RICTOR: variants seen among roughly 807,000 people sequenced by gnomAD.
The protein encoded by RICTOR is rapamycin-insensitive companion of mTOR.
Under a neutral mutation model 214.9 loss-of-function variants are expected in RICTOR, and 49 were observed. That is an observed-to-expected ratio of 0.23 (90% CI 0.18 to 0.29). The LOEUF (loss-of-function observed/expected upper bound fraction) is 0.29, where lower values mean the gene tolerates loss of function less well. RICTOR is among the 10% of genes least tolerant of loss of function. RICTOR has a pLI of 1.00. For missense variants in RICTOR, 1,625 were observed against 2,047.0 expected, an observed-to-expected ratio of 0.79 and a Z score of 3.98; for synonymous variants, 717 against 711.3, an observed-to-expected ratio of 1.01 and a Z score of -0.13.
intron 2 of RICTOR, among the ~76,000 whole-genome samples, chr5:39,040,484 A>C (rs1757088688): frequency 1.3e-5 from 2 of 152,316 alleles, no homozygotes; most frequent in Admixed American, 1.3e-4. Context: ...AAATTAAAAA[A>C]GTTGTATAAT....
At chr5:38,975,724 T>C (rs1239014485) in intron 9 of RICTOR, 120 bp from the exon 10 acceptor site, 3 of 509,302 alleles carry the variant, frequency 5.9e-6, no homozygotes, top group Admixed American at 3.6e-5. Flanking sequence ...ACACATAAAA[T>C]TAAAACAAGA....
intron 2 of RICTOR, among the ~76,000 whole-genome samples, chr5:39,051,559 C>T (rs1403600837): frequency 6.6e-6 from 1 of 151,976 alleles, no homozygotes; most frequent in Non-Finnish European, 1.5e-5. Context: ...ACCAGGCTGG[C>T]CAACATGGCG....
At chr5:38,981,717 C>T (rs1468873440) in intron 8 of RICTOR, 150 bp downstream of exon 8, 1 of 532,104 alleles carries the variant, frequency 1.9e-6, no homozygotes, top group Non-Finnish European at 3.3e-6. Context: ...ACTGAATGAT[C>T]TGTAAAACAG....
chr5:38,971,937 A>G lies in RICTOR; in HGVS notation c.912T>C (p.Pro304=). The G allele has an allele frequency of 6.8e-7, 1 of 1,460,422 alleles. No homozygotes were observed. The highest frequency in any genetic ancestry group is 1.2e-5 in the South Asian group (1 of 85,924). 90.5% of individuals were successfully genotyped at this position (1,460,422 alleles called of 1,614,324 possible). ...TTAGAGACTGGATCCCAGAATTTCC[A>G]GGTTTACATAAATTAATAATACCTA... is the stretch of plus-strand genomic sequence containing the variant. ...SWAGIINLCK[P]GNSGIQSLIG... is the part of the protein sequence containing the mutation. The change falls in exon 11 of 38, where the codon CCT becomes CCC. Residue 304 remains proline, a synonymous_variant. Transcript: ENST00000357387.
chr5:38,997,793 T>TA (rs957918171), intron 5 of RICTOR, among the ~76,000 whole-genome samples: 5 of 152,214 alleles, frequency 3.3e-5, no homozygotes, highest in African/African-American at 1.2e-4. Context: ...TCCCTGGTCT[T>TA]ACGGGCAGAG....
At chr5:38,980,228 T>C (rs1433497842) in intron 8 of RICTOR, among the ~76,000 whole-genome samples, 1 of 152,200 alleles carries the variant, frequency 6.6e-6, no homozygotes, top group African/African-American at 2.4e-5. Flanking sequence ...CAAGCATGTT[T>C]CTATGGATTG....
chr5:38,964,789 T>TA lies in RICTOR; in HGVS notation c.1400+2dup, dbSNP rs1335568988. On this transcript the variant is annotated splice_region_variant and intron_variant, in intron 16 of 37. Transcript: ENST00000357387. ...AAAGCTTTGCTAAAGCTCTGATACT[T>TA]ACAGTCTCTTTTCCTTGGGGATATC... 17 of 1,506,710 alleles carry TA rather than the reference T, an allele frequency of 1.1e-5. No homozygotes were observed. Among genetic ancestry groups the TA allele is most frequent in the South Asian group, 4.7e-5 (4 of 85,866 alleles). The allele number at this position is 1,506,710 out of a possible 1,614,324, so 93.3% of individuals were successfully genotyped here.
At position 38,942,937 on chromosome 5, in the gene RICTOR, T is replaced by C. The variant is rs1050183137; in HGVS notation, c.4948A>G (p.Ile1650Val). Residue 1650 changes from isoleucine to valine, a missense_variant, in exon 37 of 38, where the codon ATA (isoleucine) becomes GTA (valine). Around this residue, in one of 5 missense-constraint regions of RICTOR, gnomAD observed 44 missense variants for 90.1 expected, o/e 0.49. Transcript: ENST00000357387. ...TGGGAAACCTCAGAGTAAAGGCATA[T>C]GTCATCAAATGTTTGAGGATACTTC... The part of the protein sequence containing the change: ...KEKYPQTFDD[I>V]CLYSEVSHLL... 4 of 1,606,046 alleles carry C rather than the reference T, an allele frequency of 2.5e-6. No individual in the cohort carries two copies. Among genetic ancestry groups the C allele is most frequent in the Non-Finnish European group, 3.4e-6 (4 of 1,172,682 alleles).
At chr5:38,959,591 T>A (rs1467456825) in intron 21 of RICTOR, among the ~76,000 whole-genome samples, 188 bp downstream of exon 21, 1 of 152,050 alleles carries the variant, frequency 6.6e-6, no homozygotes, top group Non-Finnish European at 1.5e-5. Flanking sequence ...ATTCCTAATA[T>A]AAACAAGCTT....
At position 38,971,869 on chromosome 5, in the gene RICTOR, T is replaced by C. The variant is rs1345803980; in HGVS notation, c.972+8A>G. 1 of 1,169,180 alleles carries C rather than the reference T, an allele frequency of 8.6e-7. No individual in the cohort carries two copies. The highest frequency in any genetic ancestry group is 1.3e-6 in the Non-Finnish European group (1 of 783,910). 72.4% of individuals were successfully genotyped at this position (1,169,180 alleles called of 1,614,324 possible). On this transcript the variant is annotated splice_region_variant and intron_variant, in intron 11 of 37. Transcript: ENST00000357387. Reference sequence around the variant, plus strand: ...AGGAATGAAACAATCCTAATAACTTTTACCTACCCTTATTTCCATATTTGG... The same window carrying C: ...AGGAATGAAACAATCCTAATAACTTCTACCTACCCTTATTTCCATATTTGG...
intron 2 of RICTOR, among the ~76,000 whole-genome samples, chr5:39,021,389 T>C (rs552257877): frequency 7.9e-5 from 12 of 152,174 alleles, no homozygotes; most frequent in Non-Finnish European, 1.5e-4. Flanking sequence ...ATCTTAAATC[T>C]TGCTATTATT....
intron 2 of RICTOR, among the ~76,000 whole-genome samples, chr5:39,041,412 A>T (rs1028606410): frequency 6.6e-6 from 1 of 152,298 alleles, no homozygotes; most frequent in South Asian, 2.1e-4. Flanking sequence ...AACATATCTT[A>T]TATCTTTGGG....
intron 2 of RICTOR, among the ~76,000 whole-genome samples, chr5:39,069,872 A>C (rs1759182714): frequency 6.6e-6 from 1 of 152,166 alleles, no homozygotes; most frequent in Admixed American, 6.5e-5. Flanking sequence ...CAACCCCTCT[A>C]TGAGACTTCT....
intron 31 of RICTOR, 148 bp downstream of exon 31, chr5:38,949,564 G>C: frequency 1.9e-6 from 2 of 1,038,728 alleles, no homozygotes; most frequent in Non-Finnish European, 2.8e-6. Flanking sequence ...GTCATATCGG[G>C]TAACAAGGAG....
chr5:38,967,904 AC>A (rs1561471784), intron 12 of RICTOR, 38 bp downstream of exon 12: 1 of 1,020,808 alleles, frequency 9.8e-7, no homozygotes, highest in South Asian at 1.4e-5. Flanking sequence ...AATAAAAATT[AC>A]AATATATGAA....
intron 2 of RICTOR, among the ~76,000 whole-genome samples, chr5:39,056,367 C>T (rs1395154967): frequency 1.3e-5 from 2 of 152,150 alleles, no homozygotes; most frequent in African/African-American, 4.8e-5. Context: ...GGCACAGTGG[C>T]TCATACCTAC....
chr5:38,980,063 G>A (rs908487272), intron 8 of RICTOR, among the ~76,000 whole-genome samples: 2 of 152,072 alleles, frequency 1.3e-5, no homozygotes, highest in Non-Finnish European at 2.9e-5. Flanking sequence ...CTGAATTCCA[G>A]ATATCGTATT....
At chr5:38,965,010 A>G (rs951336659) in intron 15 of RICTOR, 118 bp from the exon 16 acceptor site, 1 of 537,256 alleles carries the variant, frequency 1.9e-6, no homozygotes, top group Non-Finnish European at 3.3e-6. Flanking sequence ...GGTTTTACTC[A>G]TAAAATTAAC....
chr5:38,969,012 C>T (rs1441515638), intron 11 of RICTOR, among the ~76,000 whole-genome samples: 2 of 139,188 alleles, frequency 1.4e-5, no homozygotes, highest in African/African-American at 2.7e-5. Context: ...GCTCATCTCC[C>T]AGGCTGGAGG....
Sources: allele counts gnomAD v4.1 joint callset (sites outside exome capture counted in the v4.1 genomes callset), GRCh38; gene constraint gnomAD v4.1.1; regional missense constraint gnomAD v4.1.1; transcripts MANE v1.5; gene names NCBI Gene and HGNC (gene_info 2026-07-23, HGNC 2026-07-21).